Variants in ZNF665 observed in about 807,000 individuals in gnomAD.
ZNF665 encodes zinc finger protein 665.
In ZNF665, 6 loss-of-function variants were observed where a neutral mutation model predicts 7.9. That is an observed-to-expected ratio of 0.76 (90% CI 0.42 to 1.50). The LOEUF (loss-of-function observed/expected upper bound fraction) is 1.50, where lower values mean the gene tolerates loss of function less well. Ranked by LOEUF, ZNF665 falls within the 40% of genes most tolerant of loss-of-function variation. The probability of loss-of-function intolerance (pLI) is 0.01; values close to 1 mark genes in which losing one functional copy is unlikely to be tolerated. For synonymous variants in ZNF665, 242 were observed against 274.5 expected (o/e 0.88, Z 1.17); for missense variants, 819 against 806.7 (o/e 1.02, Z -0.18).
chr19:53,164,463 T>G lies in ZNF665; in HGVS notation c.2027A>C (p.His676Pro), dbSNP rs768659451. The change falls in exon 4 of 4, where the codon CAT (histidine) becomes CCT (proline). Residue 676 changes from histidine to proline, a missense_variant. Coordinates refer to ENST00000396424, the MANE Select transcript of ZNF665 (RefSeq NM_024733.5). The stretch of plus-strand genomic sequence containing the variant: ...TCCTTTGTAAGGTTTCTATCCACTA[T>G]GAATTCTTCGATGTTTTGCAAGGTT... ...NSNLAKHRRI[H>P]SG The G allele has an allele frequency of 1.9e-6, 3 of 1,590,726 alleles. No individual in the cohort carries two copies. The African/African-American group carries it at 4.0e-5, about 21-fold the overall frequency.
Position 53,165,849 on chromosome 19 carries a change from G to T in ZNF665, c.641C>A (p.Ala214Asp). The change falls in exon 4 of 4, where the codon GCC (alanine) becomes GAC (aspartate). Residue 214 changes from alanine to aspartate, a missense_variant. Coordinates refer to ENST00000396424, the MANE Select transcript of ZNF665 (RefSeq NM_024733.5). ...KPYQCNKCGK[A>D]FTVRSNLTIH... is the part of the protein sequence containing the mutation. ...TGTTAGGTTTGAACGAACAGTAAAG[G>T]CTTTGCCACACTTATTACACTGGTA... The T allele has an allele frequency of 1.2e-6, 2 of 1,614,086 alleles. No homozygotes were observed. The highest frequency in any genetic ancestry group is 1.7e-6 in the Non-Finnish European group (2 of 1,179,992).
chr19:53,193,197 T>A (rs1031830332), intron 1 of ZNF665, 115 bp downstream of exon 1: 1 of 151,854 alleles, frequency 6.6e-6, no homozygotes, highest in African/African-American at 2.4e-5. Flanking sequence ...TGAATTTACA[T>A]GGAATGGAGG....
rs2090575105 is a variant in ZNF665 at position 53,162,895 on chromosome 19, T to G, written c.*1558A>C. 6.6e-6 allele frequency: 1 copy of G among 152,158 alleles called. No homozygotes were observed. The highest frequency in any genetic ancestry group is 2.1e-4 in the South Asian group (1 of 4,822). 9.4% of individuals were successfully genotyped at this position (152,158 alleles called of 1,614,324 possible). A position where few individuals can be genotyped will look rare whatever the true frequency, so the allele number is the denominator to read the frequency against. ...TCAATCTTTGCTATGCAACAGCTAT[T>G]GGCATTTGATGGAGAAGGTAGCCTC... On this transcript the variant is annotated 3_prime_UTR_variant, in exon 4 of 4. Coordinates refer to ENST00000396424, the MANE Select transcript of ZNF665 (RefSeq NM_024733.5).
chr19:53,181,421 A>G (rs2090737051), intron 2 of ZNF665: 1 of 151,526 alleles, frequency 6.6e-6, no homozygotes, highest in African/African-American at 2.4e-5. Flanking sequence ...ACCTTGTATC[A>G]GAAAAAAAAA....
intron 3 of ZNF665, among the ~76,000 whole-genome samples, chr19:53,170,883 T>C (rs142149624): frequency 2.0e-5 from 3 of 152,340 alleles, no homozygotes; most frequent in African/African-American, 7.2e-5. Flanking sequence ...ACTAATAGCC[T>C]ACGATTGACT....
Position 53,164,804 on chromosome 19 carries a change from T to C in ZNF665, c.1686A>G (p.Arg562=), listed in dbSNP as rs200826720. ...TATAAGGTTTCTCACCAGTGTGAAT[T>C]CTCTGATGAATTGCAAGGTACGAAT... ...RHNSYLAIHQ[R]IHTGEKPYKC... Residue 562 remains arginine (R), a synonymous_variant, in exon 4 of 4, where the codon AGA becomes AGG. Transcript: ENST00000396424. 10 of 1,614,084 alleles carry C rather than the reference T, an allele frequency of 6.2e-6. No individual in the cohort carries two copies. In the African/African-American group the frequency reaches 6.7e-5, roughly 11 times the overall value.
chr19:53,189,831 T>C (rs949691311), intron 1 of ZNF665, among the ~76,000 whole-genome samples: 1 of 151,966 alleles, frequency 6.6e-6, no homozygotes, highest in African/African-American at 2.4e-5. Context: ...ATTTGACACT[T>C]ACGCTACCCC....
Position 53,165,027 on chromosome 19 carries a change from C to G in ZNF665, c.1463G>C (p.Cys488Ser). The G allele has an allele frequency of 6.2e-7, 1 of 1,614,146 alleles. No individual in the cohort carries two copies. Among genetic ancestry groups the G allele is most frequent in the Non-Finnish European group, 8.5e-7 (1 of 1,180,028 alleles). The change falls in exon 4 of 4, where the codon TGT becomes TCT. Residue 488 changes from cysteine (C) to serine (S), a missense_variant. Transcript: ENST00000396424. ...ACTGAAGGCTTTACCACATTCATCA[C>G]ACTTGTAAGGTTTCTCTCCAGAATG... ...GIHSGEKPYK[C>S]DECGKAFSQT...
At chr19:53,167,951 G>T (rs575206146) in intron 3 of ZNF665, among the ~76,000 whole-genome samples, 2,408 of 147,600 alleles carry the variant, frequency 0.016, 71 homozygotes, top group African/African-American at 0.057. Flanking sequence ...AGCTACTCGG[G>T]AGGCTGAGGC....
chr19:53,192,372 G>C (rs2090823865), intron 1 of ZNF665, among the ~76,000 whole-genome samples: 1 of 152,022 alleles, frequency 6.6e-6, no homozygotes. Context: ...ACGCTGCTCT[G>C]TCTATCCTGG....
chr19:53,178,095 A>G (rs2090711711), intron 2 of ZNF665, among the ~76,000 whole-genome samples: 1 of 152,174 alleles, frequency 6.6e-6, no homozygotes, highest in South Asian at 2.1e-4. Flanking sequence ...GGAAGGCTAC[A>G]TAGTCAAGAA....
intron 1 of ZNF665, among the ~76,000 whole-genome samples, chr19:53,189,178 T>G (rs958322057): frequency 1.3e-5 from 2 of 151,702 alleles, no homozygotes; most frequent in African/African-American, 4.8e-5. Flanking sequence ...CACACCGTCC[T>G]GAGACTGTGG....
chr19:53,189,190 G>A (rs565482538), intron 1 of ZNF665, among the ~76,000 whole-genome samples: 2 of 152,018 alleles, frequency 1.3e-5, no homozygotes, highest in East Asian at 3.9e-4. Context: ...AGACTGTGGT[G>A]CAAAACTGAA....
At chr19:53,169,286 A>AAT (rs1324799722) in intron 3 of ZNF665, among the ~76,000 whole-genome samples, 1 of 152,068 alleles carries the variant, frequency 6.6e-6, no homozygotes, top group African/African-American at 2.4e-5. Context: ...AGAAAATATT[A>AAT]ATATATATAG....
At chr19:53,169,309 T>C (rs1414122397) in intron 3 of ZNF665, among the ~76,000 whole-genome samples, 1 of 151,960 alleles carries the variant, frequency 6.6e-6, no homozygotes, top group African/African-American at 2.4e-5. Context: ...AATAAGCACA[T>C]TAAAAGATAT....
chr19:53,163,027 G>A lies in ZNF665; in HGVS notation c.*1426C>T, dbSNP rs1007119311. 1 of 152,132 alleles carries A rather than the reference G, an allele frequency of 6.6e-6. No homozygotes were observed. Among genetic ancestry groups the A allele is most frequent in the African/African-American group, 2.4e-5 (1 of 41,370 alleles). 9.4% of individuals were successfully genotyped at this position (152,132 alleles called of 1,614,324 possible). A position where few individuals can be genotyped will look rare whatever the true frequency, so the allele number is the denominator to read the frequency against. On this transcript the variant is annotated 3_prime_UTR_variant, in exon 4 of 4. Transcript: ENST00000396424. Reference sequence around the variant, plus strand: ...GGCTCTATTTCATGGTCTACTGGTAGAGAATTTCTTTCTTTCTTTTTTTGA... The same window carrying A: ...GGCTCTATTTCATGGTCTACTGGTAAAGAATTTCTTTCTTTCTTTTTTTGA...
intron 2 of ZNF665, among the ~76,000 whole-genome samples, chr19:53,177,355 T>C (rs906954454): frequency 2.0e-5 from 3 of 152,030 alleles, no homozygotes; most frequent in Non-Finnish European, 4.4e-5. Flanking sequence ...CCTAGCACTT[T>C]GGGAGGCCAA....
chr19:53,177,130 AAAAC>A (rs555274831), intron 2 of ZNF665, among the ~76,000 whole-genome samples: 110 of 152,126 alleles, frequency 7.2e-4, no homozygotes, highest in Admixed American at 1.4e-3. Flanking sequence ...AACAAAAACA[AAAAC>A]AAACAAACAA....
chr19:53,175,616 T>C, intron 2 of ZNF665, 45 bp from the exon 3 acceptor site: 1 of 1,563,502 alleles, frequency 6.4e-7, no homozygotes, highest in South Asian at 1.2e-5. Flanking sequence ...GAGGAAAATT[T>C]GAATCTTCAC....
Sources: gnomAD v4.1 joint callset for allele counts (sites outside exome capture counted in the v4.1 genomes callset) on GRCh38, gnomAD v4.1.1 for gene constraint, MANE v1.5 for transcripts, NCBI Gene and HGNC (gene_info 2026-07-23, HGNC 2026-07-21) for gene names.